TMOD1: variants seen among roughly 807,000 people sequenced by gnomAD.
TMOD1 encodes tropomodulin 1.
TMOD1 carries 17 observed loss-of-function variants against 40.6 expected under a neutral mutation model. The ratio of observed to expected loss-of-function variants is 0.42; its 90% CI spans 0.29 to 0.63. TMOD1 has a LOEUF of 0.63. TMOD1 is among the 20% of genes least tolerant of loss of function. The pLI, the probability that TMOD1 is intolerant of heterozygous loss-of-function variation, is 0.22. For missense variants in TMOD1, 391 were observed against 447.6 expected (o/e 0.87, Z 1.14); for synonymous variants, 181 against 175.0 (o/e 1.03, Z -0.27).
At chr9:97,518,364 G>C (rs1287539922) in intron 1 of TMOD1, among the ~76,000 whole-genome samples, 2 of 152,274 alleles carry the variant, frequency 1.3e-5, no homozygotes, top group African/African-American at 4.8e-5. Flanking sequence ...CGTCCTCAGA[G>C]CGAGCCAGCC....
chr9:97,581,060 T>C (rs1825740802), intron 8 of TMOD1, among the ~76,000 whole-genome samples: 1 of 150,168 alleles, frequency 6.7e-6, no homozygotes, highest in Admixed American at 6.7e-5. Flanking sequence ...TAGTTACATA[T>C]GTATACATGT....
intron 2 of TMOD1, among the ~76,000 whole-genome samples, chr9:97,526,791 C>T (rs1784114182): frequency 6.6e-6 from 1 of 152,162 alleles, no homozygotes; most frequent in African/African-American, 2.4e-5. Flanking sequence ...CCTTCCTAGA[C>T]CTCAATGTCC....
At chr9:97,554,186 G>T (rs1169168915) in intron 4 of TMOD1, among the ~76,000 whole-genome samples, 1 of 151,698 alleles carries the variant, frequency 6.6e-6, no homozygotes, top group African/African-American at 2.4e-5. Context: ...TGGCAGGAGG[G>T]TGGGCGGGGT....
intron 1 of TMOD1, among the ~76,000 whole-genome samples, chr9:97,523,614 C>T (rs757644058): frequency 6.6e-6 from 1 of 152,204 alleles, no homozygotes; most frequent in Non-Finnish European, 1.5e-5. Context: ...ACTGAACACA[C>T]AGCTTGATAT....
chr9:97,574,140 C>T (rs909707083), intron 8 of TMOD1, among the ~76,000 whole-genome samples: 4 of 152,176 alleles, frequency 2.6e-5, no homozygotes, highest in African/African-American at 9.6e-5. Context: ...CCCTTCAGCC[C>T]GCCGCTGCAC....
chr9:97,567,117 G>T (rs562873857), intron 7 of TMOD1, among the ~76,000 whole-genome samples: 2 of 152,202 alleles, frequency 1.3e-5, no homozygotes, highest in Non-Finnish European at 2.9e-5. Context: ...TGAAATAATA[G>T]AAATAGCTCA....
intron 5 of TMOD1, 50 bp downstream of exon 5, chr9:97,562,871 C>T (rs1830662505): frequency 1.4e-6 from 2 of 1,438,822 alleles, no homozygotes; most frequent in Non-Finnish European, 1.9e-6. Flanking sequence ...TTGCTTCCTC[C>T]ACTCACTGAT....
intron 2 of TMOD1, among the ~76,000 whole-genome samples, chr9:97,536,324 G>A (rs1830183722): frequency 6.6e-6 from 1 of 152,232 alleles, no homozygotes; most frequent in East Asian, 1.9e-4. Context: ...GATAGGTTTG[G>A]CCTGGCCTGG....
intron 3 of TMOD1, among the ~76,000 whole-genome samples, chr9:97,550,509 A>T (rs1436420336): frequency 6.6e-6 from 1 of 152,194 alleles, no homozygotes; most frequent in East Asian, 1.9e-4. Flanking sequence ...CGAGGGCTCC[A>T]ATTTTCCACA....
intron 8 of TMOD1, among the ~76,000 whole-genome samples, chr9:97,578,862 C>T (rs548703076): frequency 1.3e-5 from 2 of 152,292 alleles, no homozygotes; most frequent in Admixed American, 6.5e-5. Flanking sequence ...GAGACTAGCC[C>T]ATCCTGAGTT....
Position 97,580,224 on chromosome 9 carries a change from T to C in TMOD1, c.871-11067T>C, listed in dbSNP as rs556553218. Among the ~76,000 whole-genome samples, 13 of 152,314 alleles carry C rather than the reference T, an allele frequency of 8.5e-5. No individual in the cohort carries two copies. In the South Asian group the frequency reaches 2.1e-3, roughly 24 times the overall value. Reference sequence around the variant, plus strand: ...GCCATTAGAGGTGGTTGTGTATTTCTGTTTGGTTTCTATTTCTGGTTTTTA... The same window carrying C: ...GCCATTAGAGGTGGTTGTGTATTTCCGTTTGGTTTCTATTTCTGGTTTTTA... On this transcript the variant is annotated intron_variant, in intron 8 of 9. Transcript: ENST00000259365.
In TMOD1 at chr9:97,601,126, C is replaced by T; in HGVS notation, c.*1428C>T. 1 of 1,304,320 alleles carries T rather than the reference C, an allele frequency of 7.7e-7. No homozygotes were observed. The highest frequency in any genetic ancestry group is 1.0e-6 in the Non-Finnish European group (1 of 988,960). 80.8% of individuals were successfully genotyped at this position (1,304,320 alleles called of 1,614,324 possible). ...TGGAAGAGTGTCCACTGAGGCTGCA[C>T]ATGGCCCAGGAGTGGCACCATGTTG... On this transcript the variant is annotated 3_prime_UTR_variant, in exon 10 of 10. Coordinates refer to ENST00000259365, the MANE Select transcript of TMOD1 (RefSeq NM_003275.4).
At position 97,575,024 on chromosome 9, in the gene TMOD1, T is replaced by G. The variant is rs556726224; in HGVS notation, c.870+5987T>G. On this transcript the variant is annotated intron_variant, in intron 8 of 9. Transcript: ENST00000259365. ...GCCAGATAAGAGAATAAAAGCAGGCTGCCGGATAACGCAGTGGCAACCCGC... is the reference window on the plus strand; with the variant it reads ...GCCAGATAAGAGAATAAAAGCAGGCGGCCGGATAACGCAGTGGCAACCCGC... Among the ~76,000 whole-genome samples, 21 of 152,300 alleles carry G rather than the reference T, an allele frequency of 1.4e-4. No homozygotes were observed. The East Asian group carries it at 1.5e-3, about 11-fold the overall frequency.
chr9:97,544,422 G>C (rs1830326791), intron 2 of TMOD1, among the ~76,000 whole-genome samples: 1 of 151,896 alleles, frequency 6.6e-6, no homozygotes, highest in Non-Finnish European at 1.5e-5. Flanking sequence ...TGTAGTCCCA[G>C]CTACTCGGGA....
chr9:97,567,358 AGTATGCCCGT>A (rs1830743733), intron 7 of TMOD1, among the ~76,000 whole-genome samples: 1 of 152,208 alleles, frequency 6.6e-6, no homozygotes, highest in Non-Finnish European at 1.5e-5. Context: ...TATGCACACC[AGTATGCCCGT>A]GTCAAACACT....
chr9:97,559,816 T>C (rs1222135966), intron 4 of TMOD1, among the ~76,000 whole-genome samples: 2 of 36,058 alleles, frequency 5.5e-5, no homozygotes, highest in Non-Finnish European at 1.1e-4. Flanking sequence ...TATATATATA[T>C]ATATATATGT....
intron 4 of TMOD1, among the ~76,000 whole-genome samples, chr9:97,556,264 TC>T (rs1226576203): frequency 1.3e-5 from 2 of 152,104 alleles, no homozygotes; most frequent in East Asian, 3.9e-4. Flanking sequence ...TACCAGTCTT[TC>T]TAGCCTGAGG....
chr9:97,526,656 A>G (rs538061630), intron 2 of TMOD1, among the ~76,000 whole-genome samples: 126 of 152,280 alleles, frequency 8.3e-4, no homozygotes, highest in Admixed American at 3.0e-3. Context: ...TCACCCAGAG[A>G]TGGTCACTGC....
At chr9:97,584,134 C>T (rs1825816999) in intron 8 of TMOD1, among the ~76,000 whole-genome samples, 1 of 151,026 alleles carries the variant, frequency 6.6e-6, no homozygotes, top group Non-Finnish European at 1.5e-5. Flanking sequence ...CTCTTGTGGG[C>T]ATTTAGTGCT....
Sources: gnomAD v4.1 joint callset for allele counts (sites outside exome capture counted in the v4.1 genomes callset) on GRCh38, gnomAD v4.1.1 for gene constraint, MANE v1.5 for transcripts, NCBI Gene and HGNC (gene_info 2026-07-23, HGNC 2026-07-21) for gene names.